Variants in TMIGD2 observed in about 807,000 individuals in gnomAD.
TMIGD2 encodes transmembrane and immunoglobulin domain-containing protein 2.
Under a neutral mutation model 22.6 loss-of-function variants are expected in TMIGD2, and 18 were observed. The ratio of observed to expected loss-of-function variants is 0.80; its 90% confidence interval spans 0.55 to 1.18. The LOEUF is 1.18. Ranked by LOEUF, TMIGD2 falls within the 50% of genes most tolerant of loss-of-function variation. The pLI is 0.00. For synonymous variants in TMIGD2, 184 were observed against 154.1 expected (o/e 1.19, Z -1.44); for missense variants, 361 against 378.2 (o/e 0.95, Z 0.38).
intron 1 of TMIGD2, among the ~76,000 whole-genome samples, chr19:4,298,900 C>T (rs771561686): frequency 1.9e-4 from 29 of 152,108 alleles, no homozygotes; most frequent in African/African-American, 1.9e-4. Flanking sequence ...ACACAAATAC[C>T]GCCTAGTATA....
intron 1 of TMIGD2, among the ~76,000 whole-genome samples, chr19:4,301,836 G>T (rs560501551): frequency 5.9e-5 from 9 of 152,170 alleles, no homozygotes; most frequent in African/African-American, 2.2e-4. Flanking sequence ...AGCTGCTGCC[G>T]GAGTAGAAAG....
intron 4 of TMIGD2, among the ~76,000 whole-genome samples, chr19:4,294,211 G>C (rs1482706332): frequency 6.6e-6 from 1 of 151,988 alleles, no homozygotes; most frequent in Non-Finnish European, 1.5e-5. Context: ...GGTATTACAG[G>C]CGTCTGCCAC....
At chr19:4,295,326 C>T (rs542639038) in intron 2 of TMIGD2, among the ~76,000 whole-genome samples, 17 of 149,082 alleles carry the variant, frequency 1.1e-4, no homozygotes, top group Admixed American at 3.4e-4. Flanking sequence ...TTTGGGAGAC[C>T]GAGGTAGGCG....
chr19:4,301,188 G>T (rs1971531983), intron 1 of TMIGD2, among the ~76,000 whole-genome samples: 1 of 152,090 alleles, frequency 6.6e-6, no homozygotes, highest in African/African-American at 2.4e-5. Context: ...GGCCAGGCTG[G>T]TCTGGAACTC....
At chr19:4,295,516 A>C (rs550756750) in intron 2 of TMIGD2, among the ~76,000 whole-genome samples, 1 of 151,170 alleles carries the variant, frequency 6.6e-6, no homozygotes, top group South Asian at 2.1e-4. Context: ...GCCAAGATCG[A>C]GCCACTGCAC....
chr19:4,293,683 G>A (rs1174824584), intron 4 of TMIGD2, among the ~76,000 whole-genome samples: 1 of 151,154 alleles, frequency 6.6e-6, no homozygotes, highest in African/African-American at 2.4e-5. Context: ...TGCAGCCTCC[G>A]CCTCCCAGGT....
chr19:4,298,447 C>T, intron 1 of TMIGD2, 102 bp from the exon 2 acceptor site: 2 of 1,444,772 alleles, frequency 1.4e-6, no homozygotes, highest in Non-Finnish European at 1.8e-6. Context: ...TGAAACCTCA[C>T]TTGTCTAAGA....
exon 2 of TMIGD2, chr19:4,298,315 T>A: frequency 1.3e-6 from 2 of 1,596,482 alleles, no homozygotes; most frequent in Non-Finnish European, 1.7e-6. Context: ...GGGCCCCTGC[T>A]GCACGCTCAG....
intron 1 of TMIGD2, among the ~76,000 whole-genome samples, chr19:4,300,209 T>C (rs1382918661): frequency 2.6e-4 from 39 of 150,932 alleles, no homozygotes; most frequent in Admixed American, 6.6e-4. Context: ...TGCAGTGACC[T>C]GAGATCGTGC....
intron 4 of TMIGD2, among the ~76,000 whole-genome samples, chr19:4,294,060 C>G (rs997229890): frequency 6.6e-6 from 1 of 151,276 alleles, no homozygotes; most frequent in East Asian, 2.0e-4. Flanking sequence ...CCATGCACAG[C>G]CTAATTTTTA....
chr19:4,296,816 G>A (rs533077481), intron 2 of TMIGD2, among the ~76,000 whole-genome samples: 22 of 152,308 alleles, frequency 1.4e-4, no homozygotes, highest in African/African-American at 4.1e-4. Flanking sequence ...ACAGAGGCCC[G>A]GGGCCCACAG....
chr19:4,302,044 A>G (rs1971542982), intron 1 of TMIGD2, among the ~76,000 whole-genome samples: 1 of 152,160 alleles, frequency 6.6e-6, no homozygotes, highest in Non-Finnish European at 1.5e-5. Context: ...GGAAACAGAG[A>G]AAGAAAAGTC....
At chr19:4,296,687 C>T (rs1971464762) in intron 2 of TMIGD2, among the ~76,000 whole-genome samples, 1 of 145,916 alleles carries the variant, frequency 6.9e-6, no homozygotes, top group Non-Finnish European at 1.5e-5. Context: ...AGCCATAACA[C>T]ACCCCTCCCT....
At chr19:4,296,659 G>T (rs1235285652) in intron 2 of TMIGD2, among the ~76,000 whole-genome samples, 1 of 152,204 alleles carries the variant, frequency 6.6e-6, no homozygotes, top group African/African-American at 2.4e-5. Context: ...CAGAGGGGTG[G>T]GAAGAGGTGG....
At chr19:4,294,464 C>A (rs978946767) in intron 4 of TMIGD2, 115 bp downstream of exon 4, 4 of 986,858 alleles carry the variant, frequency 4.1e-6, no homozygotes, top group African/African-American at 3.2e-5. Context: ...GGCTTCTCCT[C>A]CCTTCATCCC....
exon 2 of TMIGD2, chr19:4,298,105 G>A (rs770321293): frequency 2.5e-6 from 4 of 1,613,466 alleles, no homozygotes; most frequent in African/African-American, 2.7e-5. Context: ...CAGCTGCAGG[G>A]TGAGATGGCT....
intron 2 of TMIGD2, 93 bp from the exon 3 acceptor site, chr19:4,294,909 T>C: frequency 7.8e-7 from 1 of 1,286,210 alleles, no homozygotes. Context: ...TTCCTCCTCC[T>C]GCCAGGCTTT....
exon 5 of TMIGD2, chr19:4,292,371 T>A: frequency 3.7e-6 from 2 of 538,590 alleles, no homozygotes; most frequent in Non-Finnish European, 6.6e-6. Context: ...AGACGGAGTC[T>A]CACTCTGTCG....
chr19:4,296,920 G>A (rs939545273), intron 2 of TMIGD2, among the ~76,000 whole-genome samples: 1 of 152,154 alleles, frequency 6.6e-6, no homozygotes. Context: ...ATGGCAAAGG[G>A]GACAGTGCAT....
Sources: gnomAD v4.1 joint callset for allele counts (sites outside exome capture counted in the v4.1 genomes callset) on GRCh38, gnomAD v4.1.1 for gene constraint, MANE v1.5 for transcripts, NCBI Gene and HGNC (gene_info 2026-07-23, HGNC 2026-07-21) for gene names.